DNM3: variants seen among roughly 807,000 people sequenced by gnomAD.
DNM3 encodes dynamin-3.
In DNM3, 47 loss-of-function variants were observed where a neutral mutation model predicts 101.6. The observed-to-expected ratio is 0.46, with a 90% confidence interval of 0.37 to 0.59. The LOEUF (loss-of-function observed/expected upper bound fraction) is 0.59, where lower values mean the gene tolerates loss of function less well. Ranked by LOEUF, DNM3 falls within the 20% of genes least tolerant of loss-of-function variation. The pLI is 0.00. For synonymous variants in DNM3, 385 were observed against 387.9 expected (o/e 0.99, Z 0.09); for missense variants, 849 against 1,085.7 (o/e 0.78, Z 3.06).
At position 172,240,054 on chromosome 1, in the gene DNM3, G is replaced by C. The variant is rs147259863; in HGVS notation, c.1660-13519G>C. Among the ~76,000 whole-genome samples the C allele has an allele frequency of 5.0e-3, 758 of 151,982 alleles. 4 individuals carry two copies. The highest frequency in any genetic ancestry group is 0.017 in the African/African-American group (716 of 41,460). ...GCCCCCTTTTCCCTATTCTATCCCA[G>C]ACTCCTGTACTCCTTGGAACACAGG... On this transcript the variant is annotated intron_variant, in intron 14 of 20. Transcript: ENST00000627582.
chr1:171,969,968 TC>T (rs1248155177), intron 2 of DNM3, among the ~76,000 whole-genome samples: 4 of 152,124 alleles, frequency 2.6e-5, no homozygotes, highest in Non-Finnish European at 5.9e-5. Context: ...TACAGCAGAT[TC>T]TCAGTCATTT....
Position 171,883,398 on chromosome 1 carries a change from CACACACACACACACACCCT to C in DNM3, c.162-38349_162-38331del, listed in dbSNP as rs1414371951. Among the ~76,000 whole-genome samples the C allele has an allele frequency of 5.1e-3, 605 of 118,684 alleles. 24 individuals are homozygous for C. Among genetic ancestry groups the C allele is most frequent in the Admixed American group, 0.042 (527 of 12,454 alleles). The allele number at this position is 118,684 out of a possible 152,430, so 77.9% of individuals were successfully genotyped here. A position where few individuals can be genotyped will look rare whatever the true frequency, so the allele number is the denominator to read the frequency against. On this transcript the variant is annotated intron_variant, in intron 1 of 20. Coordinates refer to ENST00000627582, the MANE Select transcript of DNM3 (RefSeq NM_015569.5). The stretch of plus-strand genomic sequence containing the variant: ...ACACACACACACACACACACACACA[CACACACACACACACACCCT>C]GTCAGAATGAATACCATCAATCTAT...
chr1:172,369,729 C>G (rs948584033), intron 17 of DNM3, among the ~76,000 whole-genome samples: 1 of 151,876 alleles, frequency 6.6e-6, no homozygotes, highest in Non-Finnish European at 1.5e-5. Context: ...TGCAAAATAT[C>G]TTATTAATAC....
At chr1:172,105,722 C>T (rs79291706) in intron 13 of DNM3, among the ~76,000 whole-genome samples, 3,743 of 152,174 alleles carry the variant, frequency 0.025, 109 homozygotes, top group East Asian at 0.13. Flanking sequence ...GCTGTTTTCC[C>T]ATCCAAACAG....
intron 1 of DNM3, among the ~76,000 whole-genome samples, chr1:171,857,820 G>A (rs2125027541): frequency 6.6e-6 from 1 of 152,204 alleles, no homozygotes; most frequent in Admixed American, 6.5e-5. Context: ...TGGAGATAGG[G>A]CCAATTAGGA....
chr1:172,319,565 G>A (rs1385594463), intron 16 of DNM3, among the ~76,000 whole-genome samples: 2 of 152,250 alleles, frequency 1.3e-5, no homozygotes, highest in Non-Finnish European at 1.5e-5. Context: ...TCAAAAAGTG[G>A]GCAAAGGATA....
intron 2 of DNM3, among the ~76,000 whole-genome samples, chr1:171,954,825 G>C (rs1344064318): frequency 6.6e-6 from 1 of 152,078 alleles, no homozygotes; most frequent in East Asian, 1.9e-4. Flanking sequence ...TGGAAACTGG[G>C]GCAACATTGT....
chr1:171,870,477 AAAAC>A lies in DNM3; in HGVS notation c.161+28676_161+28679del, dbSNP rs545572521. Reference sequence around the variant, plus strand: ...AAAACAAACAAAACAAAACAAAACAAAAACAAACAAACAAACAAAAAAAAACCCT... The same window carrying A: ...AAAACAAACAAAACAAAACAAAACAAAAACAAACAAACAAAAAAAAACCCT... On this transcript the variant is annotated intron_variant, in intron 1 of 20. Coordinates refer to ENST00000627582, the MANE Select transcript of DNM3 (RefSeq NM_015569.5). Among the ~76,000 whole-genome samples, 305 of 152,132 alleles carry A rather than the reference AAAAC, an allele frequency of 2.0e-3. 1 individual carries two copies. Among genetic ancestry groups the A allele is most frequent in the South Asian group, 5.6e-3 (27 of 4,822 alleles).
intron 2 of DNM3, among the ~76,000 whole-genome samples, chr1:171,967,363 T>C (rs2043661366): frequency 6.6e-6 from 1 of 152,148 alleles, no homozygotes; most frequent in Admixed American, 6.6e-5. Context: ...GAAATTACTT[T>C]GTTGGGGTGT....
At chr1:172,302,852 C>A (rs2064538713) in intron 15 of DNM3, among the ~76,000 whole-genome samples, 1 of 152,154 alleles carries the variant, frequency 6.6e-6, no homozygotes, top group African/African-American at 2.4e-5. Flanking sequence ...AAAAGGACAT[C>A]CACACCAAAA....
intron 4 of DNM3, among the ~76,000 whole-genome samples, chr1:172,019,796 T>C (rs59316397): frequency 0.27 from 41,214 of 152,092 alleles, 6,387 homozygotes; most frequent in East Asian, 0.44. Context: ...ATTAGTCTTT[T>C]TGATCTCCAG....
intron 2 of DNM3, among the ~76,000 whole-genome samples, chr1:171,942,201 ATTT>A (rs71561599): frequency 5.8e-5 from 6 of 103,572 alleles, no homozygotes; most frequent in African/African-American, 1.9e-4. Flanking sequence ...TGCTCACTTG[ATTT>A]TTTTTTTTTT....
intron 17 of DNM3, among the ~76,000 whole-genome samples, chr1:172,377,709 G>A (rs1306328927): frequency 6.6e-6 from 1 of 151,630 alleles, no homozygotes; most frequent in Non-Finnish European, 1.5e-5. Flanking sequence ...ATGCACTGGA[G>A]CCTCAGAAAT....
chr1:171,951,011 G>C (rs1453491603), intron 2 of DNM3, among the ~76,000 whole-genome samples: 2 of 151,990 alleles, frequency 1.3e-5, no homozygotes, highest in Non-Finnish European at 2.9e-5. Flanking sequence ...TGTGTCGTCT[G>C]GTCATGCTTT....
chr1:172,314,986 C>T (rs867326492), intron 16 of DNM3, among the ~76,000 whole-genome samples: 5 of 152,138 alleles, frequency 3.3e-5, no homozygotes, highest in African/African-American at 4.8e-5. Flanking sequence ...CTGGGAGGCA[C>T]CCCCCAGTAG....
At chr1:171,848,381 C>T (rs1422849225) in intron 1 of DNM3, among the ~76,000 whole-genome samples, 2 of 152,024 alleles carry the variant, frequency 1.3e-5, no homozygotes, top group African/African-American at 2.4e-5. Context: ...GTTAATTTGA[C>T]TGAAATAGTA....
intron 4 of DNM3, among the ~76,000 whole-genome samples, chr1:172,024,476 C>G (rs922588378): frequency 6.6e-6 from 1 of 152,202 alleles, no homozygotes; most frequent in Admixed American, 6.5e-5. Context: ...TCAGTATGTA[C>G]TAATTCCTGA....
chr1:172,189,649 G>A (rs1029359039), intron 14 of DNM3, among the ~76,000 whole-genome samples: 1 of 151,860 alleles, frequency 6.6e-6, no homozygotes, highest in Admixed American at 6.6e-5. Flanking sequence ...CCATTTTTGT[G>A]TCACTATAAA....
At position 172,412,483 on chromosome 1, in the gene DNM3, T is replaced by A. The variant is rs1356544125; in HGVS notation, c.*4642T>A. ...TCTTTTGCTTTGTTTGAAGAAGGAA[T>A]ATACAGAAGTAAAATCTTGTCTTCT... On this transcript the variant is annotated 3_prime_UTR_variant, in exon 21 of 21. Transcript: ENST00000627582. 3.0e-6 allele frequency: 3 copies of A among 985,824 alleles called. No individual in the cohort carries two copies. Among genetic ancestry groups the A allele is most frequent in the Non-Finnish European group, 3.6e-6 (3 of 829,896 alleles). The allele number at this position is 985,824 out of a possible 1,614,324, so 61.1% of individuals were successfully genotyped here. A position where few individuals can be genotyped will look rare whatever the true frequency, so the allele number is the denominator to read the frequency against.
Sources: gnomAD v4.1 joint callset for allele counts (sites outside exome capture counted in the v4.1 genomes callset) on GRCh38, gnomAD v4.1.1 for gene constraint, MANE v1.5 for transcripts, NCBI Gene and HGNC (gene_info 2026-07-23, HGNC 2026-07-21) for gene names.